Variants in RGS7 observed in about 807,000 individuals in gnomAD.
The protein encoded by RGS7 is regulator of G protein signaling 7.
Under a neutral mutation model 81.1 loss-of-function variants are expected in RGS7, and 27 were observed. The ratio of observed to expected loss-of-function variants is 0.33; its 90% confidence interval spans 0.25 to 0.46. The LOEUF (loss-of-function observed/expected upper bound fraction) is 0.46. Ranked by LOEUF, RGS7 falls within the 20% of genes least tolerant of loss-of-function variation. The pLI, the probability that RGS7 is intolerant of heterozygous loss-of-function variation, is 1.00. For missense variants in RGS7, 396 were observed against 607.4 expected (o/e 0.65, Z 3.66); for synonymous variants, 208 against 207.7 (o/e 1.00, Z -0.01).
intron 2 of RGS7, among the ~76,000 whole-genome samples, chr1:241,189,838 G>A (rs927450074): frequency 2.6e-5 from 4 of 152,132 alleles, no homozygotes; most frequent in Admixed American, 6.5e-5. Context: ...TGGTCAGGCT[G>A]GGCGCGGTGG....
At chr1:241,304,337 G>C (rs1214493831) in intron 2 of RGS7, among the ~76,000 whole-genome samples, 1 of 152,178 alleles carries the variant, frequency 6.6e-6, no homozygotes, top group Admixed American at 6.5e-5. Context: ...ATGGCTACCT[G>C]GGAGAGCCAT....
chr1:241,092,465 G>A (rs1037300660), intron 3 of RGS7, among the ~76,000 whole-genome samples: 3 of 152,174 alleles, frequency 2.0e-5, no homozygotes, highest in African/African-American at 7.2e-5. Flanking sequence ...TACAGGATAT[G>A]AATTCCAGGG....
At chr1:241,340,817 A>G (rs532561277) in intron 2 of RGS7, among the ~76,000 whole-genome samples, 7 of 152,316 alleles carry the variant, frequency 4.6e-5, no homozygotes, top group African/African-American at 1.7e-4. Flanking sequence ...GGAGGAAAAT[A>G]GGAGAAGTAA....
At chr1:241,275,424 A>G (rs2078143579) in intron 2 of RGS7, among the ~76,000 whole-genome samples, 1 of 152,190 alleles carries the variant, frequency 6.6e-6, no homozygotes, top group Non-Finnish European at 1.5e-5. Context: ...CCCTAACAGG[A>G]TACTTGTTTA....
intron 7 of RGS7, among the ~76,000 whole-genome samples, chr1:240,869,697 T>C (rs561604653): frequency 6.6e-6 from 1 of 151,990 alleles, no homozygotes; most frequent in African/African-American, 2.4e-5. Context: ...CCCAACACTT[T>C]AGGAGGCTGA....
At chr1:241,111,530 C>T (rs994419890) in intron 2 of RGS7, among the ~76,000 whole-genome samples, 1 of 151,958 alleles carries the variant, frequency 6.6e-6, no homozygotes, top group African/African-American at 2.4e-5. Context: ...AATCTCAGTG[C>T]TTTGGAAAGC....
intron 2 of RGS7, among the ~76,000 whole-genome samples, chr1:241,181,948 GCCCC>G (rs759401064): frequency 3.9e-5 from 6 of 152,212 alleles, no homozygotes; most frequent in Non-Finnish European, 7.4e-5. Context: ...CAATCCTCCT[GCCCC>G]CCAAAGTGCT....
rs567908488 is a variant in RGS7 at position 241,302,274 on chromosome 1, G to C, written c.78+53425C>G. Among the ~76,000 whole-genome samples, 588 of 152,332 alleles carry C rather than the reference G, an allele frequency of 3.9e-3. 5 individuals carry two copies. The highest frequency in any genetic ancestry group is 0.013 in the African/African-American group (547 of 41,576). ...TAAAACTTTGGCTTCGGCCGGCCGG[G>C]CGCGGTGGCTTACGCCTGTAATCCC... On this transcript the variant is annotated intron_variant, in intron 2 of 18. Coordinates refer to ENST00000440928, the MANE Select transcript of RGS7 (RefSeq NM_001364886.1).
At chr1:241,046,562 G>A (rs189993490) in intron 3 of RGS7, among the ~76,000 whole-genome samples, 1 of 152,170 alleles carries the variant, frequency 6.6e-6, no homozygotes, top group Non-Finnish European at 1.5e-5. Context: ...CTGCAAGTGG[G>A]TTATTCTACA....
chr1:240,982,408 G>A (rs1685049395), intron 4 of RGS7, among the ~76,000 whole-genome samples: 1 of 112,898 alleles, frequency 8.9e-6, no homozygotes, highest in African/African-American at 3.3e-5. Flanking sequence ...GGCAACAAGA[G>A]TGAAACTCTG....
intron 10 of RGS7, among the ~76,000 whole-genome samples, chr1:240,817,624 A>G (rs149103822): frequency 5.9e-5 from 9 of 151,434 alleles, no homozygotes; most frequent in African/African-American, 2.2e-4. Context: ...TTTTTTTGAG[A>G]CAGAGTCTCA....
Position 240,931,445 on chromosome 1 carries a change from G to C in RGS7, c.334-677C>G, listed in dbSNP as rs192038034. On this transcript the variant is annotated intron_variant, in intron 5 of 18. Transcript: ENST00000440928. ...AACTAAGAGTGTAACTGGATTGTTT[G>C]TAACACAAAGAATAAATGCTTGAGG... Among the ~76,000 whole-genome samples, 208 of 152,184 alleles carry C rather than the reference G, an allele frequency of 1.4e-3. 3 individuals are homozygous for C. Among genetic ancestry groups the C allele is most frequent in the African/African-American group, 4.5e-3 (187 of 41,522 alleles).
intron 2 of RGS7, among the ~76,000 whole-genome samples, chr1:241,285,900 T>C (rs1307159729): frequency 6.6e-6 from 1 of 152,142 alleles, no homozygotes; most frequent in Non-Finnish European, 1.5e-5. Flanking sequence ...AGGTGCAGGG[T>C]TATAAGCATA....
chr1:240,815,011 C>T (rs1224048552), intron 11 of RGS7, among the ~76,000 whole-genome samples: 4 of 152,124 alleles, frequency 2.6e-5, no homozygotes, highest in Non-Finnish European at 5.9e-5. Flanking sequence ...GACCATTCTG[C>T]CTACTTTAAC....
chr1:241,223,400 A>G (rs1008501069), intron 2 of RGS7, among the ~76,000 whole-genome samples: 6 of 152,210 alleles, frequency 3.9e-5, no homozygotes, highest in Non-Finnish European at 8.8e-5. Flanking sequence ...TAAGAATCAC[A>G]CTGTGCAACT....
At chr1:240,852,259 T>C (rs1229591178) in intron 9 of RGS7, among the ~76,000 whole-genome samples, 1 of 152,234 alleles carries the variant, frequency 6.6e-6, no homozygotes, top group East Asian at 1.9e-4. Flanking sequence ...ACAAAAAGGT[T>C]ACAACTTTTG....
At chr1:240,913,788 GT>G (rs540180563) in intron 6 of RGS7, among the ~76,000 whole-genome samples, 2,136 of 144,936 alleles carry the variant, frequency 0.015, 41 homozygotes, top group African/African-American at 0.047. Context: ...CTGTAATTTT[GT>G]TTTTTTTTTA....
rs949198945 is a variant in RGS7 at position 241,164,689 on chromosome 1, T to A, written c.79-65927A>T. ...AGATATCTGAACATTAATGTGAAAT[T>A]TTCCATGTTTAAAAAATACTGCGCA... is the stretch of plus-strand genomic sequence containing the variant. On this transcript the variant is annotated intron_variant, in intron 2 of 18. Coordinates refer to ENST00000440928, the MANE Select transcript of RGS7 (RefSeq NM_001364886.1). This position sits in a 1 kb window ranked among gnomAD's most constrained non-coding sequence, Gnocchi z 4.1. Among the ~76,000 whole-genome samples the A allele has an allele frequency of 1.3e-5, 2 of 152,112 alleles. No homozygotes were observed. Among genetic ancestry groups the A allele is most frequent in the Admixed American group, 1.3e-4 (2 of 15,270 alleles).
At chr1:241,239,311 CCTG>C (rs1036314281) in intron 2 of RGS7, among the ~76,000 whole-genome samples, 16 of 152,078 alleles carry the variant, frequency 1.1e-4, no homozygotes, top group African/African-American at 3.9e-4. Flanking sequence ...GCATTGGTTC[CCTG>C]CTATTAACCT....
Sources: allele counts gnomAD v4.1 joint callset (sites outside exome capture counted in the v4.1 genomes callset), GRCh38; gene constraint gnomAD v4.1.1; non-coding constraint Gnocchi (gnomAD v3.1); transcripts MANE v1.5; gene names NCBI Gene and HGNC (gene_info 2026-07-23, HGNC 2026-07-21).